RBM47: variants seen among roughly 807,000 people sequenced by gnomAD.
RBM47 encodes the protein RNA-binding protein 47.
A neutral mutation model predicts 47.1 loss-of-function variants in RBM47; 21 were observed. The ratio of observed to expected loss-of-function variants is 0.45; its 90% CI spans 0.32 to 0.64. The LOEUF (loss-of-function observed/expected upper bound fraction) is 0.64, where lower values mean the gene tolerates loss of function less well. Ranked by LOEUF, RBM47 falls within the 30% of genes least tolerant of loss-of-function variation. RBM47 has a pLI of 0.05. For synonymous variants in RBM47, 375 were observed against 361.7 expected (o/e 1.04, Z -0.42); for missense variants, 708 against 870.9 (o/e 0.81, Z 2.35).
At chr4:40,558,067 T>C (rs1730265782) in intron 1 of RBM47, among the ~76,000 whole-genome samples, 2 of 152,086 alleles carry the variant, frequency 1.3e-5, no homozygotes, top group African/African-American at 4.8e-5. Flanking sequence ...CATAGTGGAG[T>C]TTTGCACCTA....
intron 1 of RBM47, among the ~76,000 whole-genome samples, chr4:40,596,868 T>C (rs1734803049): frequency 6.6e-6 from 1 of 152,204 alleles, no homozygotes; most frequent in Non-Finnish European, 1.5e-5. Flanking sequence ...CAGTGGTTTA[T>C]TCCTCATGTT....
Position 40,438,146 on chromosome 4 carries a change from C to A in RBM47, c.748G>T (p.Val250Leu). Residue 250 changes from valine (V) to leucine (L), a missense_variant, in exon 4 of 7, where the codon GTG becomes TTG. Physicochemically the swap from Val to Leu is conservative, Grantham distance 32. Transcript: ENST00000295971. ...GTGGTCTCGATCATGAGGTTGCGCA[C>A]GTAGAGGATCTTCACGGTCTCCATC... ...DVMETVKILY[V>L]RNLMIETTED... 1 of 1,612,590 alleles carries A rather than the reference C, an allele frequency of 6.2e-7. No individual in the cohort carries two copies. Among genetic ancestry groups the A allele is most frequent in the Non-Finnish European group, 8.5e-7 (1 of 1,179,984 alleles).
chr4:40,553,336 CA>C (rs1281666499), intron 1 of RBM47, among the ~76,000 whole-genome samples: 26 of 151,690 alleles, frequency 1.7e-4, no homozygotes, highest in Admixed American at 3.9e-4. Flanking sequence ...CTCACTCTGT[CA>C]CCCAGGCTGG....
At chr4:40,482,966 C>T (rs278957) in intron 2 of RBM47, among the ~76,000 whole-genome samples, 3,409 of 152,180 alleles carry the variant, frequency 0.022, 91 homozygotes, top group African/African-American at 0.06. Flanking sequence ...AATTTGAAAG[C>T]AATATGGAAA....
At chr4:40,458,490 T>G (rs1156461605) in intron 3 of RBM47, among the ~76,000 whole-genome samples, 1 of 152,220 alleles carries the variant, frequency 6.6e-6, no homozygotes, top group Admixed American at 6.5e-5. Flanking sequence ...AAGTCATGAG[T>G]TAAAATACTT....
At chr4:40,577,166 C>T (rs913889671) in intron 1 of RBM47, among the ~76,000 whole-genome samples, 2 of 152,144 alleles carry the variant, frequency 1.3e-5, no homozygotes, top group Non-Finnish European at 2.9e-5. Flanking sequence ...TTCTTAGTTC[C>T]TTATAGGTTT....
At chr4:40,433,566 T>C (rs1000366263) in intron 5 of RBM47, among the ~76,000 whole-genome samples, 5 of 152,226 alleles carry the variant, frequency 3.3e-5, no homozygotes, top group Non-Finnish European at 5.9e-5. Context: ...GCTTGAAGCC[T>C]ACTGCCTGTG....
intron 1 of RBM47, among the ~76,000 whole-genome samples, chr4:40,604,580 T>C (rs1354483086): frequency 6.6e-6 from 1 of 152,056 alleles, no homozygotes; most frequent in Non-Finnish European, 1.5e-5. Context: ...TGAGTGGTGA[T>C]TGTGCCACTG....
At chr4:40,579,123 T>TA (rs745819109) in intron 1 of RBM47, among the ~76,000 whole-genome samples, 44,990 of 124,976 alleles carry the variant, frequency 0.36, 7,603 homozygotes, top group Non-Finnish European at 0.38. Context: ...TATCTTAAAT[T>TA]AAAAAAAAAA....
At position 40,437,090 on chromosome 4, in the gene RBM47, A is replaced by ATAT. The variant is rs1553877705; in HGVS notation, c.1124-444_1124-443insATA. Among the ~76,000 whole-genome samples the ATAT allele has an allele frequency of 5.1e-3, 252 of 49,802 alleles. 44 individuals are homozygous for ATAT. The highest frequency in any genetic ancestry group is 0.026 in the African/African-American group (235 of 9,166). 32.7% of individuals were successfully genotyped at this position (49,802 alleles called of 152,430 possible). A position where few individuals can be genotyped will look rare whatever the true frequency, so the allele number is the denominator to read the frequency against. ...CCCTGTCTCAAAAAAAAAAAAAAAA[A>ATAT]ATATATATATATATATATATAAAAT... On this transcript the variant is annotated intron_variant, in intron 4 of 6. Transcript: ENST00000295971.
intron 1 of RBM47, among the ~76,000 whole-genome samples, chr4:40,592,726 C>T (rs7677600): frequency 0.56 from 83,261 of 149,574 alleles, 23,377 homozygotes; most frequent in Admixed American, 0.65. Context: ...GCCTGGCCAA[C>T]TTTTGTATTT....
intron 1 of RBM47, among the ~76,000 whole-genome samples, chr4:40,602,377 C>T (rs112478109): frequency 0.039 from 5,925 of 151,714 alleles, 248 homozygotes; most frequent in East Asian, 0.14. Flanking sequence ...CGGCCGGGCG[C>T]GGTCGCTCAC....
At chr4:40,469,243 T>C (rs1718492237) in intron 2 of RBM47, among the ~76,000 whole-genome samples, 2 of 152,182 alleles carry the variant, frequency 1.3e-5, no homozygotes, top group Non-Finnish European at 2.9e-5. Context: ...ATTATTAATA[T>C]ATAAATGAAA....
At chr4:40,432,888 C>T in intron 5 of RBM47, 26 bp from the exon 6 acceptor site, 1 of 1,612,184 alleles carries the variant, frequency 6.2e-7, no homozygotes, top group Non-Finnish European at 8.5e-7. Flanking sequence ...GAAGGAAAAA[C>T]AGGTCAATCA....
intron 1 of RBM47, among the ~76,000 whole-genome samples, chr4:40,577,332 A>G (rs1732435719): frequency 6.6e-6 from 1 of 152,128 alleles, no homozygotes; most frequent in Admixed American, 6.6e-5. Context: ...GGCCACAGGG[A>G]CTTCCTCAAA....
At chr4:40,548,923 C>T (rs893120441) in intron 1 of RBM47, among the ~76,000 whole-genome samples, 1 of 152,136 alleles carries the variant, frequency 6.6e-6, no homozygotes, top group African/African-American at 2.4e-5. Flanking sequence ...AACTTGGCCT[C>T]CCAAAGTGCT....
At chr4:40,498,445 C>T (rs1722928048) in intron 2 of RBM47, among the ~76,000 whole-genome samples, 1 of 151,922 alleles carries the variant, frequency 6.6e-6, no homozygotes, top group South Asian at 2.1e-4. Flanking sequence ...GCCTGTAATC[C>T]CTGCGGGGGG....
intron 2 of RBM47, among the ~76,000 whole-genome samples, chr4:40,516,130 T>C (rs752429658): frequency 6.6e-6 from 1 of 150,924 alleles, no homozygotes; most frequent in Non-Finnish European, 1.5e-5. Flanking sequence ...CTGACCCGCC[T>C]CCTAACGCCT....
At chr4:40,455,517 C>A (rs867329821) in intron 3 of RBM47, 1 of 152,232 alleles carries the variant, frequency 6.6e-6, no homozygotes, top group Non-Finnish European at 1.5e-5. Context: ...AATCCCAGCA[C>A]TTTGGGAGGC....
Sources: gnomAD v4.1 joint callset for allele counts (sites outside exome capture counted in the v4.1 genomes callset) on GRCh38, gnomAD v4.1.1 for gene constraint, MANE v1.5 for transcripts, NCBI Gene and HGNC (gene_info 2026-07-23, HGNC 2026-07-21) for gene names.